PGCKA1: variants seen among roughly 807,000 people sequenced by gnomAD.
PGCKA1 encodes PDCD10 and GCKIII kinases associated 1, also known as PDCD10 and GCKIII kinases-associated protein 1.
chr4:37,509,870 GC>G, the PGCKA1 span, among the ~76,000 whole-genome samples: 1 of 151,514 alleles, frequency 6.6e-6, no homozygotes, highest in East Asian at 1.9e-4. Flanking sequence ...GGCTGAGGCA[GC>G]AGAATCAGGC....
At chr4:37,568,413 A>G in the PGCKA1 span, among the ~76,000 whole-genome samples, 6 of 152,170 alleles carry the variant, frequency 3.9e-5, no homozygotes, top group Non-Finnish European at 8.8e-5. Flanking sequence ...GCCCATTCCC[A>G]GTGGAGAAGG....
At chr4:37,466,303 T>G in the PGCKA1 span, among the ~76,000 whole-genome samples, 1 of 152,234 alleles carries the variant, frequency 6.6e-6, no homozygotes, top group South Asian at 2.1e-4. Context: ...ATCTGAAATA[T>G]ATTTCATTTC....
the PGCKA1 span, among the ~76,000 whole-genome samples, chr4:37,566,255 CTTTTTT>C: frequency 6.6e-6 from 1 of 151,382 alleles, no homozygotes; most frequent in South Asian, 2.1e-4. Flanking sequence ...ATTTTTGTTT[CTTTTTT>C]TGTTCTTTTT....
the PGCKA1 span, among the ~76,000 whole-genome samples, chr4:37,537,613 T>C: frequency 9.2e-5 from 14 of 152,186 alleles, no homozygotes; most frequent in Non-Finnish European, 2.1e-4. Flanking sequence ...GCTCTGGGCA[T>C]GTATTTGGAG....
chr4:37,455,606 G>C, the PGCKA1 span, among the ~76,000 whole-genome samples: 2 of 152,284 alleles, frequency 1.3e-5, no homozygotes, highest in African/African-American at 4.8e-5. Flanking sequence ...GAGAAATAGG[G>C]CCAATCTTTC....
the PGCKA1 span, among the ~76,000 whole-genome samples, chr4:37,554,080 G>A: frequency 0.019 from 2,905 of 152,182 alleles, 42 homozygotes; most frequent in Admixed American, 0.029. Flanking sequence ...GGTTTTTCCC[G>A]TGGTATTCTC....
At chr4:37,462,926 G>A in the PGCKA1 span, among the ~76,000 whole-genome samples, 2 of 134,678 alleles carry the variant, frequency 1.5e-5, 1 homozygote, top group African/African-American at 5.6e-5. Context: ...AACCTGGACT[G>A]CACTCCAGCC....
chr4:37,481,311 A>C, the PGCKA1 span, among the ~76,000 whole-genome samples: 1 of 151,798 alleles, frequency 6.6e-6, no homozygotes, highest in Non-Finnish European at 1.5e-5. Context: ...AAAAAAATAC[A>C]AACCTTAGCT....
the PGCKA1 span, among the ~76,000 whole-genome samples, chr4:37,482,779 C>T: frequency 6.6e-6 from 1 of 152,184 alleles, no homozygotes; most frequent in South Asian, 2.1e-4. Context: ...GGCCCAGGCT[C>T]ACCTGCTCTG....
chr4:37,512,209 TTGGTTCCTATGATGG>T, the PGCKA1 span, among the ~76,000 whole-genome samples: 1 of 152,272 alleles, frequency 6.6e-6, no homozygotes, highest in Middle Eastern at 3.4e-3. Context: ...AATCTGGTAT[TTGGTTCCTATGATGG>T]TGTTCCCTTT....
the PGCKA1 span, among the ~76,000 whole-genome samples, chr4:37,578,719 A>G: frequency 1.3e-5 from 2 of 151,890 alleles, no homozygotes; most frequent in South Asian, 4.2e-4. Context: ...TATTCATTGT[A>G]TGTTTTTTTA....
the PGCKA1 span, among the ~76,000 whole-genome samples, chr4:37,553,327 T>C: frequency 1.3e-5 from 2 of 151,448 alleles, no homozygotes; most frequent in South Asian, 2.1e-4. Flanking sequence ...TTCATGGTTA[T>C]TGTTATTTTG....
At chr4:37,504,990 C>T in the PGCKA1 span, among the ~76,000 whole-genome samples, 1 of 152,154 alleles carries the variant, frequency 6.6e-6, no homozygotes, top group African/African-American at 2.4e-5. Context: ...GCATCCTTGT[C>T]ATGTTCCAGA....
chr4:37,554,036 A>G, the PGCKA1 span, among the ~76,000 whole-genome samples: 1 of 152,112 alleles, frequency 6.6e-6, no homozygotes, highest in African/African-American at 2.4e-5. Context: ...CATAATCCCC[A>G]CGTGTTGTGG....
At chr4:37,546,120 T>C in the PGCKA1 span, among the ~76,000 whole-genome samples, 1 of 152,234 alleles carries the variant, frequency 6.6e-6, no homozygotes, top group Non-Finnish European at 1.5e-5. Context: ...AATTATACTT[T>C]GTACCGACTG....
the PGCKA1 span, among the ~76,000 whole-genome samples, chr4:37,489,803 A>T: frequency 6.6e-6 from 1 of 152,232 alleles, no homozygotes; most frequent in African/African-American, 2.4e-5. Flanking sequence ...GGGTTTTTCC[A>T]GCACAGATAA....
At chr4:37,507,454 G>T in the PGCKA1 span, among the ~76,000 whole-genome samples, 512 of 151,598 alleles carry the variant, frequency 3.4e-3, 3 homozygotes, top group Non-Finnish European at 5.6e-3. Flanking sequence ...TATGTTTTTT[G>T]ACTTTAGGTT....
At chr4:37,459,392 A>G in the PGCKA1 span, among the ~76,000 whole-genome samples, 1 of 152,228 alleles carries the variant, frequency 6.6e-6, no homozygotes, top group Non-Finnish European at 1.5e-5. Context: ...AGTATCTGTT[A>G]ATATCTCAAA....
At chr4:37,475,105 C>T in the PGCKA1 span, among the ~76,000 whole-genome samples, 2 of 152,078 alleles carry the variant, frequency 1.3e-5, no homozygotes, top group Non-Finnish European at 2.9e-5. Flanking sequence ...TAGGAAAAAG[C>T]CTTCTCGAGT....
Sources: gnomAD v4.1 joint callset for allele counts (sites outside exome capture counted in the v4.1 genomes callset) on GRCh38, gnomAD v4.1.1 for gene constraint, MANE v1.5 for transcripts, NCBI Gene and HGNC (gene_info 2026-07-23, HGNC 2026-07-21) for gene names.